Variants in ASAH2B observed in about 807,000 individuals in gnomAD.
The protein encoded by ASAH2B is N-acylsphingosine amidohydrolase 2B, also known as putative inactive neutral ceramidase B.
A neutral mutation model predicts 2.9 loss-of-function variants in ASAH2B; 1 was observed. The ratio of observed to expected loss-of-function variants is 0.34; its 90% CI spans 0.12 to 1.63. The LOEUF (loss-of-function observed/expected upper bound fraction) is 1.63, where lower values mean the gene tolerates loss of function less well. ASAH2B is among the 40% of genes most tolerant of loss of function. ASAH2B has a pLI of 0.36. For missense variants in ASAH2B, 9 were observed against 37.7 expected (o/e 0.24, Z 1.99); for synonymous variants, 4 against 13.3 (o/e 0.30, Z 1.52).
chr10:50,743,462 A>G (rs1163581876), intron 2 of ASAH2B, among the ~76,000 whole-genome samples: 8 of 150,450 alleles, frequency 5.3e-5, no homozygotes, highest in South Asian at 2.2e-4. Context: ...CCACATTATA[A>G]TATCTTGGAA....
intron 1 of ASAH2B, 132 bp from the exon 2 acceptor site, chr10:50,742,783 C>T (rs1839849915): frequency 1.4e-5 from 12 of 866,188 alleles, no homozygotes; most frequent in South Asian, 1.2e-4. Flanking sequence ...TTTTGTCATA[C>T]ATAATCTTGA....
rs2132740212 is a variant in ASAH2B, at chr10:50,758,903, A to T, written c.*4163A>T. Reference sequence around the variant, plus strand: ...GAGGGCACCTAATATGGTCTTGGGGATGTTTCAGTAAGTTTCCTGGAAGAA... The same window carrying T: ...GAGGGCACCTAATATGGTCTTGGGGTTGTTTCAGTAAGTTTCCTGGAAGAA... On this transcript the variant is annotated 3_prime_UTR_variant, in exon 6 of 6. Transcript: ENST00000647317. 6.6e-6 allele frequency: 1 copy of T among 152,044 alleles called. No homozygotes were observed. The highest frequency in any genetic ancestry group is 2.4e-5 in the African/African-American group (1 of 41,534). The allele number at this position is 152,044 out of a possible 1,614,324, so 9.4% of individuals were successfully genotyped here. A position where few individuals can be genotyped will look rare whatever the true frequency, so the allele number is the denominator to read the frequency against.
rs1196157593 is a variant in ASAH2B, at chr10:50,757,109, G to C, written c.*2369G>C. ...CTGAATAATCTCTTTGCCGGGTCTA[G>C]ATTTTTTGATGAGTACTGTGTAAAA... On this transcript the variant is annotated 3_prime_UTR_variant, in exon 6 of 6. Transcript: ENST00000647317. 1 of 151,394 alleles carries C rather than the reference G, an allele frequency of 6.6e-6. No homozygotes were observed. The highest frequency in any genetic ancestry group is 1.9e-4 in the East Asian group (1 of 5,160). The allele number at this position is 151,394 out of a possible 1,614,324, so 9.4% of individuals were successfully genotyped here.
chr10:50,741,273 C>T (rs6479701), intron 1 of ASAH2B, among the ~76,000 whole-genome samples: 60,943 of 152,136 alleles, frequency 0.4, 14,447 homozygotes, highest in Admixed American at 0.57. Context: ...GGATATACTC[C>T]GGCAAGTATT....
chr10:50,748,143 A>G (rs1839934848), intron 3 of ASAH2B, among the ~76,000 whole-genome samples: 1 of 144,424 alleles, frequency 6.9e-6, no homozygotes, highest in South Asian at 2.3e-4. Context: ...AGGAATTGGT[A>G]TCATTCTAGG....
At chr10:50,741,118 A>G (rs1245004452) in intron 1 of ASAH2B, among the ~76,000 whole-genome samples, 2 of 152,218 alleles carry the variant, frequency 1.3e-5, no homozygotes, top group Non-Finnish European at 2.9e-5. Context: ...TTAGAGTTAG[A>G]ATGAAATTAA....
rs1837123671 is a variant in ASAH2B, at chr10:50,757,592, A to AT, written c.*2854dup. 6.7e-6 allele frequency: 1 copy of AT among 149,436 alleles called. No individual in the cohort carries two copies. The allele number at this position is 149,436 out of a possible 1,614,324, so 9.3% of individuals were successfully genotyped here. On this transcript the variant is annotated 3_prime_UTR_variant, in exon 6 of 6. Coordinates refer to ENST00000647317, the MANE Select transcript of ASAH2B (RefSeq NM_001321958.2). ...AGCAAGCTTACTGTCTTTTTCTAAG[A>AT]TTAGCGCATGGATTCTATCTTTAGC...
Position 50,757,068 on chromosome 10 carries a change from A to G in ASAH2B, c.*2328A>G, listed in dbSNP as rs1236322547. 2.0e-5 allele frequency: 3 copies of G among 151,620 alleles called. No individual in the cohort carries two copies. Among genetic ancestry groups the G allele is most frequent in the Non-Finnish European group, 4.4e-5 (3 of 67,740 alleles). 9.4% of individuals were successfully genotyped at this position (151,620 alleles called of 1,614,324 possible). A position where few individuals can be genotyped will look rare whatever the true frequency, so the allele number is the denominator to read the frequency against. ...CTACTCTGGTTTTAAGGATTTTTTG[A>G]CTTCTTCGAAAAGCACTGAATAATC... On this transcript the variant is annotated 3_prime_UTR_variant, in exon 6 of 6. Coordinates refer to ENST00000647317, the MANE Select transcript of ASAH2B (RefSeq NM_001321958.2).
rs563699348 is a variant in ASAH2B, at chr10:50,741,801, C to T, written c.-99-1114C>T. Among the ~76,000 whole-genome samples the T allele has an allele frequency of 2.6e-5, 4 of 152,058 alleles. No individual in the cohort carries two copies. The South Asian group carries it at 8.3e-4, about 32-fold the overall frequency. On this transcript the variant is annotated intron_variant, in intron 1 of 5. Transcript: ENST00000647317. Reference sequence around the variant, plus strand: ...CTCAGTAAGGAAGGCTTTGGGGGAACTGCAGTAGGATTCTAAGCAAGAGAA... The same window carrying T: ...CTCAGTAAGGAAGGCTTTGGGGGAATTGCAGTAGGATTCTAAGCAAGAGAA...
chr10:50,742,309 C>A (rs536444392), intron 1 of ASAH2B, among the ~76,000 whole-genome samples: 1 of 151,958 alleles, frequency 6.6e-6, no homozygotes. Context: ...AGGTAACTGC[C>A]GGCTGATCCT....
chr10:50,743,313 T>G (rs1479841218), intron 2 of ASAH2B, among the ~76,000 whole-genome samples: 1 of 151,538 alleles, frequency 6.6e-6, no homozygotes, highest in African/African-American at 2.4e-5. Flanking sequence ...TCCCCAGTTT[T>G]CAGAGGAGCA....
chr10:50,748,585 T>C (rs1839940889), intron 3 of ASAH2B, among the ~76,000 whole-genome samples: 1 of 151,378 alleles, frequency 6.6e-6, no homozygotes, highest in African/African-American at 2.5e-5. Flanking sequence ...TTCCCTTATA[T>C]GCATGCAAAC....
At chr10:50,741,967 C>T (rs1258887687) in intron 1 of ASAH2B, among the ~76,000 whole-genome samples, 1 of 152,160 alleles carries the variant, frequency 6.6e-6, no homozygotes, top group African/African-American at 2.4e-5. Context: ...GACATGCACA[C>T]TTGAGGGTGA....
intron 1 of ASAH2B, among the ~76,000 whole-genome samples, chr10:50,741,962 G>A (rs1405175877): frequency 6.6e-6 from 1 of 152,194 alleles, no homozygotes; most frequent in Non-Finnish European, 1.5e-5. Context: ...ACATGGACAT[G>A]CACACTTGAG....
At position 50,758,721 on chromosome 10, in the gene ASAH2B, T is replaced by C. The variant is rs1399040942; in HGVS notation, c.*3981T>C. On this transcript the variant is annotated 3_prime_UTR_variant, in exon 6 of 6. Transcript: ENST00000647317. ...ATTTATATCAAGCACCTATATACTTTATGGCAGAAATTATGCTAAATCCTA... is the reference window on the plus strand; with the variant it reads ...ATTTATATCAAGCACCTATATACTTCATGGCAGAAATTATGCTAAATCCTA... The C allele has an allele frequency of 6.6e-6, 1 of 152,148 alleles. No individual in the cohort carries two copies. The highest frequency in any genetic ancestry group is 1.5e-5 in the Non-Finnish European group (1 of 67,984). The allele number at this position is 152,148 out of a possible 1,614,324, so 9.4% of individuals were successfully genotyped here.
chr10:50,741,102 G>T (rs1298964104), intron 1 of ASAH2B, among the ~76,000 whole-genome samples: 2 of 152,170 alleles, frequency 1.3e-5, no homozygotes, highest in African/African-American at 4.8e-5. Context: ...AGCGACATGT[G>T]ACTGTTTAGA....
At chr10:50,744,368 A>G (rs1455954130) in intron 2 of ASAH2B, among the ~76,000 whole-genome samples, 9 of 151,660 alleles carry the variant, frequency 5.9e-5, no homozygotes, top group African/African-American at 2.0e-4. Context: ...GAAAAAAACC[A>G]CTGAATATGT....
chr10:50,741,129 T>C (rs1361470062), intron 1 of ASAH2B, among the ~76,000 whole-genome samples: 1 of 152,250 alleles, frequency 6.6e-6, no homozygotes, highest in Non-Finnish European at 1.5e-5. Flanking sequence ...ATGAAATTAA[T>C]TAAAAATTCA....
intron 2 of ASAH2B, among the ~76,000 whole-genome samples, chr10:50,743,213 GT>G (rs1234305607): frequency 6.6e-6 from 1 of 152,084 alleles, no homozygotes; most frequent in African/African-American, 2.4e-5. Context: ...TTTGGATCTA[GT>G]TAACATCCTT....
Sources: allele counts gnomAD v4.1 joint callset (sites outside exome capture counted in the v4.1 genomes callset), GRCh38; gene constraint gnomAD v4.1.1; transcripts MANE v1.5; gene names NCBI Gene and HGNC (gene_info 2026-07-23, HGNC 2026-07-21).